Variants in CDH23 observed in about 807,000 individuals in gnomAD.
The protein encoded by CDH23 is cadherin related 23.
A neutral mutation model predicts 317.1 loss-of-function variants in CDH23; 189 were observed. That is an observed-to-expected ratio of 0.60 (90% confidence interval 0.53 to 0.67). CDH23 has a LOEUF of 0.67. Ranked by LOEUF, CDH23 falls within the 30% of genes least tolerant of loss-of-function variation. The pLI is 0.00. For synonymous variants in CDH23, 1,839 were observed against 1,876.8 expected (o/e 0.98, Z 0.52); for missense variants, 4,401 against 4,592.4 (o/e 0.96, Z 1.20).
Position 71,709,169 on chromosome 10 carries a change from C to T in CDH23, c.3178C>T (p.Arg1060Trp), listed in dbSNP as rs201536811. Residue 1060 changes from arginine to tryptophan, a missense_variant, in exon 27 of 70, where the codon CGG (arginine) becomes TGG (tryptophan). Around this residue, in one of 3 missense-constraint regions of CDH23, gnomAD observed 3,068 missense variants for 3,203.3 expected, o/e 0.96. Transcript: ENST00000224721. ...AVVRTVVGLD[R>W]ETTAAYMLIL... Reference sequence around the variant, plus strand: ...TGTGAGAACCGTGGTGGGCCTGGACCGGGAGACCACAGCCGCCTACATGCT... The same window carrying T: ...TGTGAGAACCGTGGTGGGCCTGGACTGGGAGACCACAGCCGCCTACATGCT... 956 of 1,613,830 alleles carry T rather than the reference C, an allele frequency of 5.9e-4. 1 individual carries two copies. The highest frequency in any genetic ancestry group is 1.8e-3 in the Admixed American group (110 of 60,006).
rs369238128 is a variant in CDH23 at position 71,807,833 on chromosome 10, C to T, written c.8561-13C>T. On this transcript the variant is annotated splice_polypyrimidine_tract_variant and intron_variant, in intron 59 of 69. Transcript: ENST00000224721. ...CCTGCCCTGCCACTTACACCACCTGCCTCTTCCTGCAGGGGTGGCCACCGA... is the reference window on the plus strand; with the variant it reads ...CCTGCCCTGCCACTTACACCACCTGTCTCTTCCTGCAGGGGTGGCCACCGA... 29 of 1,596,552 alleles carry T rather than the reference C, an allele frequency of 1.8e-5. No homozygotes were observed. Among genetic ancestry groups the T allele is most frequent in the Non-Finnish European group, 2.5e-5 (29 of 1,171,468 alleles).
At chr10:71,806,450 A>ACTATATTGAG (rs913333854) in intron 57 of CDH23, among the ~76,000 whole-genome samples, 169 bp downstream of exon 57, 1 of 151,618 alleles carries the variant, frequency 6.6e-6, no homozygotes, top group African/African-American at 2.4e-5. Context: ...GCTGTGTTAC[A>ACTATATTGAG]CTATATTGAG....
At chr10:71,711,279 A>G (rs1274376121) in intron 27 of CDH23, among the ~76,000 whole-genome samples, 1 of 151,904 alleles carries the variant, frequency 6.6e-6, no homozygotes, top group Non-Finnish European at 1.5e-5. Flanking sequence ...CAATAAGCCA[A>G]CCCCCAAGGG....
At position 71,811,353 on chromosome 10, in the gene CDH23, G is replaced by A. The variant is rs776346516; in HGVS notation, c.9116G>A (p.Arg3039Gln). The A allele has an allele frequency of 3.2e-5, 51 of 1,613,790 alleles. No individual in the cohort carries two copies. The highest frequency in any genetic ancestry group is 1.2e-4 in the Admixed American group (7 of 60,006). ...QMIDENKEQL[R>Q]NLFRNYNVLD... ...ATCGATGAGAACAAGGAGCAGCTAC[G>A]GAATCTTTTCCGGAACTACAACGTC... is the stretch of plus-strand genomic sequence containing the variant. The change falls in exon 63 of 70, where the codon CGG becomes CAG. Residue 3039 changes from arginine to glutamine, a missense_variant. Transcript: ENST00000224721.
At chr10:71,520,959 T>C (rs1435874957) in intron 6 of CDH23, among the ~76,000 whole-genome samples, 3 of 152,106 alleles carry the variant, frequency 2.0e-5, no homozygotes, top group Non-Finnish European at 2.9e-5. Flanking sequence ...TTTGGGTTGA[T>C]GGAATTATTA....
intron 3 of CDH23, among the ~76,000 whole-genome samples, chr10:71,452,386 G>A (rs1473237214): frequency 6.6e-6 from 1 of 152,186 alleles, no homozygotes; most frequent in African/African-American, 2.4e-5. Context: ...AAGAAGTAGA[G>A]CTCTGTATCT....
chr10:71,693,775 G>T (rs562518597), intron 20 of CDH23, among the ~76,000 whole-genome samples: 19 of 152,226 alleles, frequency 1.2e-4, no homozygotes, highest in Admixed American at 1.2e-3. Context: ...GAGAAAGCCA[G>T]TAAGATAATG....
intron 14 of CDH23, among the ~76,000 whole-genome samples, chr10:71,669,578 G>T (rs1357665316): frequency 6.6e-6 from 1 of 152,024 alleles, no homozygotes; most frequent in Non-Finnish European, 1.5e-5. Flanking sequence ...CTCCTGAGTA[G>T]CTTGGATTAC....
intron 11 of CDH23, among the ~76,000 whole-genome samples, chr10:71,622,215 A>G (rs1417503303): frequency 6.6e-6 from 1 of 152,000 alleles, no homozygotes; most frequent in Non-Finnish European, 1.5e-5. Flanking sequence ...CCTATAATGT[A>G]TATATCCTTA....
At chr10:71,419,586 G>A (rs904516489) in intron 1 of CDH23, among the ~76,000 whole-genome samples, 1 of 152,108 alleles carries the variant, frequency 6.6e-6, no homozygotes, top group Non-Finnish European at 1.5e-5. Flanking sequence ...CATGCAGAAA[G>A]GTCAAAAGAC....
rs77627503 is a variant in CDH23 at position 71,517,191 on chromosome 10, G to A, written c.429+5979G>A. Among the ~76,000 whole-genome samples, 847 of 152,326 alleles carry A rather than the reference G, an allele frequency of 5.6e-3. 38 individuals are homozygous for A. In the East Asian group the frequency reaches 0.12, roughly 22 times the overall value. On this transcript the variant is annotated intron_variant, in intron 6 of 69. Coordinates refer to ENST00000224721, the MANE Select transcript of CDH23 (RefSeq NM_022124.6). The stretch of plus-strand genomic sequence containing the variant: ...GGCCAGCTGGTCTACCGAGGTGAGG[G>A]CTTCCTTACTGTGCATGGTCCAGGG...
chr10:71,667,538 G>A (rs1371555345), intron 14 of CDH23, among the ~76,000 whole-genome samples: 1 of 152,124 alleles, frequency 6.6e-6, no homozygotes, highest in South Asian at 2.1e-4. Context: ...TGCCTGAGAT[G>A]CAGAGAGAGG....
chr10:71,568,346 G>A (rs528797034), intron 7 of CDH23, among the ~76,000 whole-genome samples: 43 of 152,284 alleles, frequency 2.8e-4, no homozygotes, highest in African/African-American at 7.7e-4. Context: ...CCCCTCCACC[G>A]CACTGTTTGC....
At chr10:71,637,381 C>T (rs1654111100) in intron 11 of CDH23, among the ~76,000 whole-genome samples, 6 of 152,102 alleles carry the variant, frequency 3.9e-5, no homozygotes, top group Admixed American at 3.9e-4. Context: ...CCCACTACTC[C>T]TAGAACAATA....
chr10:71,517,574 G>C (rs1377683354), intron 6 of CDH23, among the ~76,000 whole-genome samples: 1 of 152,114 alleles, frequency 6.6e-6, no homozygotes, highest in African/African-American at 2.4e-5. Context: ...GGAGATGCGA[G>C]GGGGCTCCCA....
chr10:71,576,660 G>C (rs1858226265), intron 8 of CDH23, among the ~76,000 whole-genome samples: 1 of 152,162 alleles, frequency 6.6e-6, no homozygotes, highest in African/African-American at 2.4e-5. Context: ...ATCACCCAGG[G>C]GAACACTGTG....
chr10:71,744,878 TGAAA>T (rs1261469959), intron 38 of CDH23, among the ~76,000 whole-genome samples: 3 of 152,238 alleles, frequency 2.0e-5, no homozygotes, highest in Non-Finnish European at 4.4e-5. Context: ...GGTACCAACT[TGAAA>T]GATGTATAGG....
At chr10:71,687,503 C>G in intron 18 of CDH23, 144 bp from the exon 19 acceptor site, 1 of 718,540 alleles carries the variant, frequency 1.4e-6, no homozygotes, top group South Asian at 1.5e-5. Context: ...CTGCTGACAC[C>G]TCACCTGGCT....
intron 3 of CDH23, among the ~76,000 whole-genome samples, chr10:71,473,099 G>A (rs1342922580): frequency 1.3e-5 from 2 of 152,192 alleles, no homozygotes; most frequent in Non-Finnish European, 2.9e-5. Flanking sequence ...TGGCAGAGGA[G>A]CCAGGCCCCA....
Sources: allele counts gnomAD v4.1 joint callset (sites outside exome capture counted in the v4.1 genomes callset), GRCh38; gene constraint gnomAD v4.1.1; regional missense constraint gnomAD v4.1.1; transcripts MANE v1.5; gene names NCBI Gene and HGNC (gene_info 2026-07-23, HGNC 2026-07-21).